Variants in WDR44 observed in about 807,000 individuals in gnomAD.
WDR44 encodes WD repeat domain 44.
Under a neutral mutation model 65.7 loss-of-function variants are expected in WDR44, and 9 were observed. The ratio of observed to expected loss-of-function variants is 0.14; its 90% CI spans 0.08 to 0.24. The LOEUF (loss-of-function observed/expected upper bound fraction) is 0.24. Among genes scored for constraint, WDR44 ranks in the 10% least tolerant of loss-of-function variants. The pLI, the probability that WDR44 is intolerant of heterozygous loss-of-function variation, is 1.00. For synonymous variants in WDR44, 220 were observed against 235.2 expected, an observed-to-expected ratio of 0.94 and a Z score of 0.59; for missense variants, 425 against 670.9, an observed-to-expected ratio of 0.63 and a Z score of 4.05.
chrX:118,424,601 C>G (rs994514296), intron 12 of WDR44, among the ~76,000 whole-genome samples: 18 of 109,524 alleles, frequency 1.6e-4, no homozygotes, highest in African/African-American at 5.7e-4. Flanking sequence ...AGATATCAAC[C>G]ATTCATTAGA....
intron 12 of WDR44, among the ~76,000 whole-genome samples, chrX:118,413,233 G>A (rs889717482): frequency 2.7e-5 from 3 of 112,285 alleles, no homozygotes; most frequent in Non-Finnish European, 5.6e-5. Context: ...TGGATCAAAT[G>A]TTAGTTCTAC....
chrX:118,354,415 C>G (rs1273013481), intron 1 of WDR44, among the ~76,000 whole-genome samples: 11 of 83,651 alleles, frequency 1.3e-4, no homozygotes, highest in Non-Finnish European at 2.2e-4. Flanking sequence ...CAGACTCTGT[C>G]TCTTAAAAAA....
At chrX:118,374,280 G>GT (rs1342179181) in intron 1 of WDR44, among the ~76,000 whole-genome samples, 1 of 110,811 alleles carries the variant, frequency 9.0e-6, no homozygotes, top group Admixed American at 9.7e-5. Flanking sequence ...AAATGAATTG[G>GT]TTTTTTTTCA....
At chrX:118,411,765 C>T (rs1016374740) in intron 12 of WDR44, among the ~76,000 whole-genome samples, 2 of 112,082 alleles carry the variant, frequency 1.8e-5, no homozygotes, top group Non-Finnish European at 3.8e-5. Flanking sequence ...TCTTTGTTTA[C>T]TTTCAGTAAC....
chrX:118,429,909 C>G (rs967289971), intron 12 of WDR44, among the ~76,000 whole-genome samples: 2 of 110,549 alleles, frequency 1.8e-5, no homozygotes, highest in Admixed American at 1.9e-4. Flanking sequence ...TTCCAAAGTG[C>G]TGGGATTACA....
chrX:118,440,143 A>G (rs892932833), intron 14 of WDR44, among the ~76,000 whole-genome samples: 8 of 109,446 alleles, frequency 7.3e-5, no homozygotes, highest in Non-Finnish European at 1.5e-4. Flanking sequence ...AAAGAAAGAA[A>G]GAAAGAAAAA....
intron 1 of WDR44, among the ~76,000 whole-genome samples, chrX:118,360,564 C>G (rs1445362479): frequency 9.0e-6 from 1 of 111,641 alleles, no homozygotes; most frequent in Non-Finnish European, 1.9e-5. Context: ...CTTACTGTTT[C>G]AACTTGCTGG....
chrX:118,350,952 C>T (rs1472671708), intron 1 of WDR44, among the ~76,000 whole-genome samples: 1 of 111,562 alleles, frequency 9.0e-6, no homozygotes, highest in Non-Finnish European at 1.9e-5. Context: ...GCCCAGGTCT[C>T]TTGATTCCTC....
intron 12 of WDR44, among the ~76,000 whole-genome samples, chrX:118,431,944 A>G (rs1193615913): frequency 9.0e-6 from 1 of 111,289 alleles, no homozygotes; most frequent in African/African-American, 3.3e-5. Flanking sequence ...TCATCTTTAT[A>G]CTGTTAATAC....
Position 118,404,332 on chromosome X carries a change from G to C in WDR44, c.1275-6G>C, listed in dbSNP as rs1393854798. 1 of 1,176,873 alleles carries C rather than the reference G, an allele frequency of 8.5e-7. No individual in the cohort carries two copies. The highest frequency in any genetic ancestry group is 1.8e-5 in the African/African-American group (1 of 55,692). On this transcript the variant is annotated splice_polypyrimidine_tract_variant and splice_region_variant and intron_variant, in intron 8 of 19. Transcript: ENST00000254029. Reference sequence around the variant, plus strand: ...CTGAGTTGATACTTTTTTCATTTTTGTTAAGGACTCAACTAAAGAAGTTTC... The same window carrying C: ...CTGAGTTGATACTTTTTTCATTTTTCTTAAGGACTCAACTAAAGAAGTTTC...
chrX:118,441,287 A>G, intron 14 of WDR44, 81 bp from the exon 15 acceptor site: 1 of 942,138 alleles, frequency 1.1e-6, no homozygotes, highest in Non-Finnish European at 1.5e-6. Flanking sequence ...AACTATTCTA[A>G]TAGACTTACT....
intron 6 of WDR44, among the ~76,000 whole-genome samples, chrX:118,396,015 C>T (rs1444613821): frequency 2.0e-5 from 2 of 98,359 alleles, no homozygotes; most frequent in Non-Finnish European, 3.9e-5. Context: ...GAGCAAGACT[C>T]GGTCTCAAGA....
intron 1 of WDR44, among the ~76,000 whole-genome samples, chrX:118,357,878 C>CT (rs1265015998): frequency 9.1e-6 from 1 of 110,301 alleles, no homozygotes; most frequent in Non-Finnish European, 1.9e-5. Flanking sequence ...GACCCCGACT[C>CT]TTAAAACACA....
At chrX:118,439,812 G>GA (rs1045666532) in intron 14 of WDR44, among the ~76,000 whole-genome samples, 2 of 103,793 alleles carry the variant, frequency 1.9e-5, no homozygotes, top group Non-Finnish European at 3.9e-5. Flanking sequence ...GTGGGGGAAG[G>GA]AAAAAAAAAG....
intron 15 of WDR44, among the ~76,000 whole-genome samples, chrX:118,442,016 A>G (rs759501021): frequency 2.8e-4 from 31 of 112,366 alleles, no homozygotes; most frequent in Non-Finnish European, 5.6e-4. Context: ...TGCTGGGATT[A>G]TAGGCGTGAG....
rs550491493 is a variant in WDR44, at chrX:118,357,982, G to A, written c.77+11402G>A. Among the ~76,000 whole-genome samples, 95 of 111,110 alleles carry A rather than the reference G, an allele frequency of 8.6e-4. 1 individual carries two copies. The South Asian group carries it at 0.034, about 39-fold the overall frequency. ...AGGTCAGGAGATCAAGACCATCCTG[G>A]CCAACATGGTGAAACCTCATCTCTA... On this transcript the variant is annotated intron_variant, in intron 1 of 19. Coordinates refer to ENST00000254029, the MANE Select transcript of WDR44 (RefSeq NM_019045.5).
intron 12 of WDR44, among the ~76,000 whole-genome samples, chrX:118,426,655 G>A (rs1317162917): frequency 5.5e-5 from 6 of 109,366 alleles, no homozygotes; most frequent in South Asian, 4.0e-4. Context: ...ACAGTGAGCC[G>A]AGGCCATGCC....
chrX:118,357,263 A>G (rs904017508), intron 1 of WDR44, among the ~76,000 whole-genome samples: 1 of 112,147 alleles, frequency 8.9e-6, no homozygotes, highest in Admixed American at 9.5e-5. Flanking sequence ...GTTATTCATG[A>G]TATTGTAGGA....
chrX:118,369,715 G>T (rs771829870), intron 1 of WDR44, among the ~76,000 whole-genome samples: 6 of 110,644 alleles, frequency 5.4e-5, no homozygotes, highest in Non-Finnish European at 9.4e-5. Context: ...TGATCTGCCC[G>T]CCTCGGCCAC....
Sources: gnomAD v4.1 joint callset for allele counts (sites outside exome capture counted in the v4.1 genomes callset) on GRCh38, gnomAD v4.1.1 for gene constraint, MANE v1.5 for transcripts, NCBI Gene and HGNC (gene_info 2026-07-23, HGNC 2026-07-21) for gene names.